GJA3: variants seen among roughly 807,000 people sequenced by gnomAD.
The protein encoded by GJA3 is gap junction alpha-3 protein.
For synonymous variants in GJA3, 297 were observed against 292.6 expected (o/e 1.02, Z -0.15); for missense variants, 571 against 620.3 (o/e 0.92, Z 0.84).
At chr13:20,154,314 G>C (rs1483587816) in intron 1 of GJA3, among the ~76,000 whole-genome samples, 2 of 152,128 alleles carry the variant, frequency 1.3e-5, no homozygotes, top group Non-Finnish European at 2.9e-5. Context: ...ACATCTATTA[G>C]ATTTATCCCT....
rs770718484 is a variant in GJA3, at chr13:20,142,229, G to T, written c.1060C>A (p.Pro354Thr). 1.1e-5 allele frequency: 17 copies of T among 1,528,984 alleles called. No individual in the cohort carries two copies. The African/African-American group carries it at 1.7e-4, about 15-fold the overall frequency. 94.7% of individuals were successfully genotyped at this position (1,528,984 alleles called of 1,614,324 possible). Residue 354 changes from proline to threonine, a missense_variant, in exon 2 of 2, where the codon CCC (proline) becomes ACC (threonine). Coordinates refer to ENST00000241125, the MANE Select transcript of GJA3 (RefSeq NM_021954.4). ...PAASTPAAPS[P>T]VGSSSPPLAH... ...AGTGGCGGGGAGCTGCTGCCGACGG[G>T]GCTGGGGGCTGCAGGCGTGGACGCT...
In GJA3 at chr13:20,142,359, C is replaced by T. The variant is rs369972834; in HGVS notation, c.930G>A (p.Gln310=). The T allele has an allele frequency of 1.3e-5, 20 of 1,538,666 alleles. No homozygotes were observed. Among genetic ancestry groups the T allele is most frequent in the Non-Finnish European group, 1.6e-5 (18 of 1,143,400 alleles). The change falls in exon 2 of 2, where the codon CAG becomes CAA. Residue 310 remains glutamine (Q), a synonymous_variant. Transcript: ENST00000241125. ...LALTEARGKG[Q]SAKLYNGHHH... is the part of the protein sequence containing the mutation. Reference sequence around the variant, plus strand: ...GGTGGCCGTTGTAGAGCTTGGCGGACTGGCCCTTTCCGCGCGCCTCGGTCA... The same window carrying T: ...GGTGGCCGTTGTAGAGCTTGGCGGATTGGCCCTTTCCGCGCGCCTCGGTCA...
At chr13:20,157,739 G>C (rs372215219) in intron 1 of GJA3, among the ~76,000 whole-genome samples, 5 of 152,180 alleles carry the variant, frequency 3.3e-5, no homozygotes, top group African/African-American at 1.2e-4. Context: ...ATGTGGGCTG[G>C]AGTACATGTT....
intron 1 of GJA3, among the ~76,000 whole-genome samples, chr13:20,148,253 C>CTTTTTTTTTTT (rs71074204): frequency 1.1e-5 from 1 of 90,726 alleles, no homozygotes; most frequent in African/African-American, 4.0e-5. Context: ...TACTATGGTT[C>CTTTTTTTTTTT]TTTTTTTTTT....
At chr13:20,146,068 C>T (rs1792437392) in intron 1 of GJA3, among the ~76,000 whole-genome samples, 1 of 152,224 alleles carries the variant, frequency 6.6e-6, no homozygotes, top group Non-Finnish European at 1.5e-5. Context: ...ATGTGCTTTC[C>T]AGAGGCTTCC....
chr13:20,153,763 C>A (rs1452589830), intron 1 of GJA3, among the ~76,000 whole-genome samples: 1 of 150,550 alleles, frequency 6.6e-6, no homozygotes, highest in African/African-American at 2.4e-5. Flanking sequence ...GCACATGTAC[C>A]CTAGAACTTA....
At position 20,142,380 on chromosome 13, in the gene GJA3, G is replaced by C; in HGVS notation, c.909C>G (p.Thr303=). 2 of 1,528,222 alleles carry C rather than the reference G, an allele frequency of 1.3e-6. No individual in the cohort carries two copies. The highest frequency in any genetic ancestry group is 1.8e-6 in the Non-Finnish European group (2 of 1,137,658). The allele number at this position is 1,528,222 out of a possible 1,614,324, so 94.7% of individuals were successfully genotyped here. A position where few individuals can be genotyped will look rare whatever the true frequency, so the allele number is the denominator to read the frequency against. The change falls in exon 2 of 2, where the codon ACC becomes ACG. Residue 303 remains threonine, a synonymous_variant. Transcript: ENST00000241125. The part of the protein sequence containing the change: ...PAADFKLLAL[T]EARGKGQSAK... ...CGGACTGGCCCTTTCCGCGCGCCTC[G>C]GTCAGGGCTAGCAGTTTGAAGTCCG... is the stretch of plus-strand genomic sequence containing the variant.
In GJA3 at chr13:20,139,558, C is replaced by G. The variant is rs913616814; in HGVS notation, c.*2423G>C. 6.6e-6 allele frequency: 1 copy of G among 152,180 alleles called. No individual in the cohort carries two copies. Among genetic ancestry groups the G allele is most frequent in the Non-Finnish European group, 1.5e-5 (1 of 68,032 alleles). The allele number at this position is 152,180 out of a possible 1,614,324, so 9.4% of individuals were successfully genotyped here. On this transcript the variant is annotated 3_prime_UTR_variant, in exon 2 of 2. Coordinates refer to ENST00000241125, the MANE Select transcript of GJA3 (RefSeq NM_021954.4). ...AGCAAAAGGATGTGAAACATGCGTT[C>G]ATTTCTTACATGAACTGAAATCAGT...
intron 1 of GJA3, among the ~76,000 whole-genome samples, chr13:20,151,706 G>A (rs890852424): frequency 2.0e-5 from 3 of 152,102 alleles, no homozygotes; most frequent in African/African-American, 7.2e-5. Flanking sequence ...GATTACTTGA[G>A]CTCAGCAAGC....
In GJA3 at chr13:20,142,212, G is replaced by T; in HGVS notation, c.1077C>A (p.Ser359=). Residue 359 remains serine (S), a synonymous_variant, in exon 2 of 2, where the codon TCC becomes TCA. Transcript: ENST00000241125. ...CCTCAGCCTCGTGCGCGAGTGGCGG[G>T]GAGCTGCTGCCGACGGGGCTGGGGG... ...PAAPSPVGSS[S]PPLAHEAEAG... 6.6e-7 allele frequency: 1 copy of T among 1,517,746 alleles called. No individual in the cohort carries two copies. Among genetic ancestry groups the T allele is most frequent in the East Asian group, 2.5e-5 (1 of 39,474 alleles). 94.0% of individuals were successfully genotyped at this position (1,517,746 alleles called of 1,614,324 possible).
chr13:20,141,096 T>A lies in GJA3; in HGVS notation c.*885A>T, dbSNP rs1234155766. On this transcript the variant is annotated 3_prime_UTR_variant, in exon 2 of 2. Transcript: ENST00000241125. ...TTAGGGCAAATTAGCACTGTCTTGG[T>A]CAGCAATCATTCTAACAGTATTTAA... 1 of 152,262 alleles carries A rather than the reference T, an allele frequency of 6.6e-6. No individual in the cohort carries two copies. The highest frequency in any genetic ancestry group is 2.4e-5 in the African/African-American group (1 of 41,472). 9.4% of individuals were successfully genotyped at this position (152,262 alleles called of 1,614,324 possible).
At chr13:20,157,519 G>A (rs1958913022) in intron 1 of GJA3, among the ~76,000 whole-genome samples, 2 of 152,112 alleles carry the variant, frequency 1.3e-5, no homozygotes, top group Non-Finnish European at 2.9e-5. Context: ...GCTCAGAGAG[G>A]GTCCTGAGAC....
intron 1 of GJA3, among the ~76,000 whole-genome samples, chr13:20,150,421 G>C (rs1486727964): frequency 6.6e-6 from 1 of 151,878 alleles, no homozygotes; most frequent in Non-Finnish European, 1.5e-5. Context: ...TGGCAGTGTG[G>C]GGACTAAGAC....
In GJA3 at chr13:20,143,209, G is replaced by C; in HGVS notation, c.80C>G (p.Thr27Ser). The C allele has an allele frequency of 6.3e-7, 1 of 1,581,250 alleles. No homozygotes were observed. The highest frequency in any genetic ancestry group is 8.6e-7 in the Non-Finnish European group (1 of 1,161,626). ...HSTVIGKVWLTVLFIFRILVL... is the reference protein window; with the variant it reads ...HSTVIGKVWLSVLFIFRILVL... Reference sequence around the variant, plus strand: ...CAAGATGCGGAAGATGAACAGCACGGTCAGCCAAACCTTGCCGATGACCGT... The same window carrying C: ...CAAGATGCGGAAGATGAACAGCACGCTCAGCCAAACCTTGCCGATGACCGT... Residue 27 changes from threonine to serine, a missense_variant, in exon 2 of 2, where the codon ACC (threonine) becomes AGC (serine). Thr to Ser is a moderately conservative substitution (Grantham distance 58). Coordinates refer to ENST00000241125, the MANE Select transcript of GJA3 (RefSeq NM_021954.4).
intron 1 of GJA3, among the ~76,000 whole-genome samples, chr13:20,143,795 CT>C (rs1958827412): frequency 6.6e-6 from 1 of 152,212 alleles, no homozygotes; most frequent in Non-Finnish European, 1.5e-5. Context: ...ACTCTTTATG[CT>C]TAAATTTATC....
rs369927085 is a variant in GJA3 at position 20,153,325 on chromosome 13, CA to C, written c.-18+7564del. On this transcript the variant is annotated intron_variant, in intron 1 of 1. Coordinates refer to ENST00000241125, the MANE Select transcript of GJA3 (RefSeq NM_021954.4). ...TATAAATCATGCTGCCATAAAGACACAAGCACATGTATGTTTACTGCAGCAC... is the reference window on the plus strand; with the variant it reads ...TATAAATCATGCTGCCATAAAGACACAGCACATGTATGTTTACTGCAGCAC... Among the ~76,000 whole-genome samples the C allele has an allele frequency of 3.2e-4, 48 of 152,286 alleles. 1 individual carries two copies. The East Asian group carries it at 7.3e-3, about 23-fold the overall frequency.
chr13:20,142,471 G>T lies in GJA3; in HGVS notation c.818C>A (p.Ala273Glu). Reference protein sequence around the residue: ...AVAIGFPPYYAHTAAPLGQAR... With the variant: ...AVAIGFPPYYEHTAAPLGQAR... ...CTGTCCCAGGGGCGCAGCGGTGTGC[G>T]CATAGTAGGGTGGGAACCCGATGGC... The change falls in exon 2 of 2, where the codon GCG becomes GAG. Residue 273 changes from alanine (A) to glutamate (E), a missense_variant. By Grantham distance (107) the Ala-to-Glu change is moderately radical. Transcript: ENST00000241125. The T allele has an allele frequency of 6.5e-7, 1 of 1,543,566 alleles. No homozygotes were observed.
rs1025156892 is a variant in GJA3, at chr13:20,140,484, C to G, written c.*1497G>C. 2.6e-5 allele frequency: 4 copies of G among 152,182 alleles called. No individual in the cohort carries two copies. Among genetic ancestry groups the G allele is most frequent in the African/African-American group, 9.6e-5 (4 of 41,452 alleles). 9.4% of individuals were successfully genotyped at this position (152,182 alleles called of 1,614,324 possible). On this transcript the variant is annotated 3_prime_UTR_variant, in exon 2 of 2. Transcript: ENST00000241125. ...ATAAAAAGAAATGTATTACATTGGT[C>G]TCGCTGAACAAGGGCTAATGATACT...
In GJA3 at chr13:20,141,904, T is replaced by C; in HGVS notation, c.*77A>G. ...CCTGGGACTTTCAGGTTCTATCTGC[T>C]GGTGGGAAGTGCACTTTGGTTTTGG... On this transcript the variant is annotated 3_prime_UTR_variant, in exon 2 of 2. Transcript: ENST00000241125. 6.5e-7 allele frequency: 1 copy of C among 1,528,232 alleles called. No individual in the cohort carries two copies. The highest frequency in any genetic ancestry group is 1.2e-5 in the South Asian group (1 of 82,446). The allele number at this position is 1,528,232 out of a possible 1,614,324, so 94.7% of individuals were successfully genotyped here. A position where few individuals can be genotyped will look rare whatever the true frequency, so the allele number is the denominator to read the frequency against.
Sources: allele counts gnomAD v4.1 joint callset (sites outside exome capture counted in the v4.1 genomes callset), GRCh38; gene constraint gnomAD v4.1.1; transcripts MANE v1.5; gene names NCBI Gene and HGNC (gene_info 2026-07-23, HGNC 2026-07-21).